ABCA2: variants seen among roughly 807,000 people sequenced by gnomAD.
ABCA2 encodes the protein ATP binding cassette subfamily A member 2.
Under a neutral mutation model 262.8 loss-of-function variants are expected in ABCA2, and 84 were observed. That is an observed-to-expected ratio of 0.32 (90% confidence interval 0.27 to 0.38). The LOEUF (loss-of-function observed/expected upper bound fraction) is 0.38. Among genes scored for constraint, ABCA2 ranks in the 10% least tolerant of loss-of-function variants. The pLI, the probability that ABCA2 is intolerant of heterozygous loss-of-function variation, is 1.00. For synonymous variants in ABCA2, 1,696 were observed against 1,502.9 expected, an observed-to-expected ratio of 1.13 and a Z score of -2.97; for missense variants, 2,662 against 3,405.9, an observed-to-expected ratio of 0.78 and a Z score of 5.44.
At position 137,010,201 on chromosome 9, in the gene ABCA2, A is replaced by T; in HGVS notation, c.6345T>A (p.Asn2115Lys). ...ESTTGGEAFVNGHSVLKELLQ... is the reference protein window; with the variant it reads ...ESTTGGEAFVKGHSVLKELLQ... ...CAGGGCTCCCGCCCCACCTGTGTCCATTGACGAAGGCCTCGCCCCCCGTCG... is the reference window on the plus strand; with the variant it reads ...CAGGGCTCCCGCCCCACCTGTGTCCTTTGACGAAGGCCTCGCCCCCCGTCG... Residue 2115 changes from asparagine (N) to lysine (K), a missense_variant, in exon 41 of 49, where the codon AAT becomes AAA. Asn to Lys is a moderately conservative substitution (Grantham distance 94, BLOSUM62 0). Transcript: ENST00000341511. 6.2e-7 allele frequency: 1 copy of T among 1,602,076 alleles called. No homozygotes were observed. The highest frequency in any genetic ancestry group is 8.5e-7 in the Non-Finnish European group (1 of 1,178,070).
At chr9:137,016,775 G>C in intron 19 of ABCA2, 37 bp from the exon 20 acceptor site, 1 of 1,543,070 alleles carries the variant, frequency 6.5e-7, no homozygotes, top group African/African-American at 1.4e-5. Flanking sequence ...CTGACCTAGG[G>C]CCTGGGGTGA....
In ABCA2 at chr9:137,021,914, C is replaced by T. The variant is rs1304700962; in HGVS notation, c.655G>A (p.Gly219Ser). ...ACCTCCATCCGGAACAGGGGATTGC[C>T]CCCTAGGCGGCTCCAGGGCTCCTGA... ...KGQEPWSRLG[G>S]NPLFRMEELL... The change falls in exon 7 of 49, where the codon GGC becomes AGC. Residue 219 changes from glycine to serine, a missense_variant. Gly to Ser is a moderately conservative substitution (Grantham distance 56). Around this residue, in one of 12 missense-constraint regions of ABCA2, gnomAD observed 403 missense variants for 375.9 expected, o/e 1.07. Coordinates refer to ENST00000341511, the MANE Select transcript of ABCA2 (RefSeq NM_001606.5). The surrounding 1 kb of genome is among the most constrained non-coding windows in gnomAD (Gnocchi z 6.0). The T allele has an allele frequency of 3.7e-6, 6 of 1,601,828 alleles. No homozygotes were observed. Among genetic ancestry groups the T allele is most frequent in the Non-Finnish European group, 4.3e-6 (5 of 1,175,310 alleles).
At position 137,019,741 on chromosome 9, in the gene ABCA2, G is replaced by A. The variant is rs557952594; in HGVS notation, c.1426-435C>T. 2.0e-5 allele frequency: 4 copies of A among 202,226 alleles called. No individual in the cohort carries two copies. The highest frequency in any genetic ancestry group is 4.8e-5 in the African/African-American group (2 of 42,046). The allele number at this position is 202,226 out of a possible 1,614,324, so 12.5% of individuals were successfully genotyped here. On this transcript the variant is annotated intron_variant, in intron 10 of 48. Transcript: ENST00000341511. The surrounding 1 kb of genome is among the most constrained non-coding windows in gnomAD (Gnocchi z 4.4). ...CGGGCTCTCCACTCCTTTCTGCGGC[G>A]CTCAGGTGAAACCTGCTTTGCCCTC... is the stretch of plus-strand genomic sequence containing the variant.
chr9:137,015,269 C>T (rs1353800333), intron 24 of ABCA2, 145 bp downstream of exon 24: 8 of 1,203,820 alleles, frequency 6.6e-6, no homozygotes, highest in Admixed American at 2.8e-5. Context: ...AAGATACGGG[C>T]GTTGCAGAGG....
At chr9:137,020,236 C>T (rs1329832926) in intron 10 of ABCA2, 100 bp downstream of exon 10, 17 of 1,520,208 alleles carry the variant, frequency 1.1e-5, no homozygotes, top group South Asian at 3.4e-5. Context: ...GTACCCCTCC[C>T]GTGTCAATTC....
rs1221259289 is a variant in ABCA2 at position 137,013,311 on chromosome 9, G to A, written c.4558C>T (p.Leu1520=). ...NEERREYRLR[L]SPDASPQQLV... The stretch of plus-strand genomic sequence containing the variant: ...TGCTGGGGGCTGGCGTCGGGCGATA[G>A]CCGCAGCCTGCGGGCACCGACAGTG... The change falls in exon 30 of 49, where the codon CTA becomes TTA. Residue 1520 remains leucine, a synonymous_variant. Coordinates refer to ENST00000341511, the MANE Select transcript of ABCA2 (RefSeq NM_001606.5). The A allele has an allele frequency of 4.5e-6, 7 of 1,549,088 alleles. No individual in the cohort carries two copies. The highest frequency in any genetic ancestry group is 2.2e-4 in the Middle Eastern group (1 of 4,526).
intron 39 of ABCA2, 41 bp from the exon 40 acceptor site, chr9:137,010,778 C>T (rs1160520655): frequency 8.9e-6 from 14 of 1,576,644 alleles, no homozygotes; most frequent in Non-Finnish European, 1.2e-5. Flanking sequence ...GCTCGCCACC[C>T]CCACTGCCCC....
chr9:137,023,685 C>A (rs1348432848), intron 3 of ABCA2, 153 bp downstream of exon 3: 2 of 688,324 alleles, frequency 2.9e-6, no homozygotes. Context: ...TCACTGCCTG[C>A]CACCCCCCAT....
rs766078899 is a variant in ABCA2 at position 137,011,689 on chromosome 9, C to A, written c.5596G>T (p.Ala1866Ser). ...VIILFVFDLP[A>S]YTSPTNFPAV... ...GGGAAGTTGGTGGGCGACGTGTAGG[C>A]CGGCAGGTCGAACACAAACAGGATG... Residue 1866 changes from alanine to serine, a missense_variant, in exon 36 of 49, where the codon GCC (alanine) becomes TCC (serine). Ala to Ser is a moderately conservative substitution (Grantham distance 99). Coordinates refer to ENST00000341511, the MANE Select transcript of ABCA2 (RefSeq NM_001606.5). This position sits in a 1 kb window ranked among gnomAD's most constrained non-coding sequence, Gnocchi z 8.8. The A allele has an allele frequency of 1.3e-6, 2 of 1,554,740 alleles. No individual in the cohort carries two copies. The highest frequency in any genetic ancestry group is 1.7e-6 in the Non-Finnish European group (2 of 1,149,814).
chr9:137,021,404 C>G lies in ABCA2; in HGVS notation c.885G>C (p.Lys295Asn), dbSNP rs1831448289. The G allele has an allele frequency of 6.2e-7, 1 of 1,607,986 alleles. No individual in the cohort carries two copies. The highest frequency in any genetic ancestry group is 1.3e-5 in the African/African-American group (1 of 74,884). ...AELRNQLDVAKVSQQLGLDAP... is the reference protein window; with the variant it reads ...AELRNQLDVANVSQQLGLDAP... ...GGCAGGGCCTCACCTGCTGGGAGAC[C>G]TTGGCCACGTCCAGCTGGTTCCGGA... is the stretch of plus-strand genomic sequence containing the variant. Residue 295 changes from lysine (K) to asparagine (N), a missense_variant, in exon 8 of 49, where the codon AAG becomes AAC. Around this residue, in one of 12 missense-constraint regions of ABCA2, gnomAD observed 403 missense variants for 375.9 expected, o/e 1.07. Transcript: ENST00000341511. The surrounding 1 kb of genome is among the most constrained non-coding windows in gnomAD (Gnocchi z 6.0).
chr9:137,013,591 C>T, intron 28 of ABCA2, 28 bp from the exon 29 acceptor site: 1 of 1,582,888 alleles, frequency 6.3e-7, no homozygotes, highest in Non-Finnish European at 8.6e-7. Flanking sequence ...GAGGCCTGAG[C>T]AGGTTCTGCC....
At chr9:137,016,494 C>T (rs375139956) in intron 20 of ABCA2, 23 bp from the exon 21 acceptor site, 1 of 1,612,606 alleles carries the variant, frequency 6.2e-7, no homozygotes, top group Non-Finnish European at 8.5e-7. Flanking sequence ...TGTGGATCAG[C>T]AGGGTGGGGG....
rs763965480 is a variant in ABCA2 at position 137,021,426 on chromosome 9, C to T, written c.863G>A (p.Arg288Gln). 9.3e-6 allele frequency: 15 copies of T among 1,610,560 alleles called. No individual in the cohort carries two copies. The highest frequency in any genetic ancestry group is 6.7e-5 in the East Asian group (3 of 44,880). ...RRFSGLSAELRNQLDVAKVSQ... is the reference protein window; with the variant it reads ...RRFSGLSAELQNQLDVAKVSQ... ...GACCTTGGCCACGTCCAGCTGGTTC[C>T]GGAGCTCAGCAGACAGCCCAGAGAA... Residue 288 changes from arginine (R) to glutamine (Q), a missense_variant, in exon 8 of 49, where the codon CGG (arginine) becomes CAG (glutamine). Arg to Gln is a conservative substitution (Grantham distance 43). Coordinates refer to ENST00000341511, the MANE Select transcript of ABCA2 (RefSeq NM_001606.5). The surrounding 1 kb of genome is among the most constrained non-coding windows in gnomAD (Gnocchi z 6.0).
At chr9:137,015,917 C>T (rs781347175) in intron 22 of ABCA2, 45 bp downstream of exon 22, 13 of 1,605,116 alleles carry the variant, frequency 8.1e-6, no homozygotes, top group Admixed American at 3.4e-5. Flanking sequence ...TGCAGAGCCC[C>T]AGGGCCTCCG....
chr9:137,007,996 A>G (rs1830893832), intron 48 of ABCA2, 32 bp from the exon 49 acceptor site: 2 of 1,593,858 alleles, frequency 1.3e-6, no homozygotes, highest in Non-Finnish European at 1.7e-6. Context: ...CTTATGGGGC[A>G]TCCTGTGCCA....
In ABCA2 at chr9:137,011,060, G is replaced by A; in HGVS notation, c.5969C>T (p.Thr1990Ile). ...MKSPFEWDIV[T>I]RGLVAMAVEG... ...AACCGCCATGGCCACCAGTCCGCGG[G>A]TGACAATGTCCCACTCGAACGGGGA... Residue 1990 changes from threonine (T) to isoleucine (I), a missense_variant, in exon 39 of 49, where the codon ACC becomes ATC. Coordinates refer to ENST00000341511, the MANE Select transcript of ABCA2 (RefSeq NM_001606.5). This position sits in a 1 kb window ranked among gnomAD's most constrained non-coding sequence, Gnocchi z 8.8. 6.2e-7 allele frequency: 1 copy of A among 1,612,068 alleles called. No individual in the cohort carries two copies. Among genetic ancestry groups the A allele is most frequent in the Non-Finnish European group, 8.5e-7 (1 of 1,179,706 alleles).
At chr9:137,023,388 C>T in intron 3 of ABCA2, 1 of 710,666 alleles carries the variant, frequency 1.4e-6, no homozygotes, top group South Asian at 1.4e-5. Context: ...GCACTGCCTA[C>T]AGAGCCCAGG....
At chr9:137,023,226 C>A in intron 3 of ABCA2, 174 bp from the exon 4 acceptor site, 1 of 640,038 alleles carries the variant, frequency 1.6e-6, no homozygotes, top group Non-Finnish European at 2.8e-6. Flanking sequence ...GGGCTACAGG[C>A]CAAGCGTTCT....
intron 45 of ABCA2, 60 bp from the exon 46 acceptor site, chr9:137,009,113 C>G: frequency 6.5e-7 from 1 of 1,527,366 alleles, no homozygotes; most frequent in Non-Finnish European, 8.9e-7. Context: ...CCCAGCCCCC[C>G]AGCCTCCCAG....
Sources: gnomAD v4.1 joint callset for allele counts on GRCh38, gnomAD v4.1.1 for gene constraint, gnomAD v4.1.1 regional missense constraint, Gnocchi (gnomAD v3.1) non-coding constraint, MANE v1.5 for transcripts, NCBI Gene and HGNC (gene_info 2026-07-23, HGNC 2026-07-21) for gene names.